The following YEATS2 variants were observed in gnomAD, a reference collection of about 807,000 sequenced individuals.
YEATS2 encodes the protein YEATS domain containing 2.
Under a neutral mutation model 163.2 loss-of-function variants are expected in YEATS2, and 77 were observed. The observed-to-expected ratio is 0.47, with a 90% CI of 0.39 to 0.57. The LOEUF (loss-of-function observed/expected upper bound fraction) is 0.57, where lower values mean the gene tolerates loss of function less well. Among genes scored for constraint, YEATS2 ranks in the 20% least tolerant of loss-of-function variants. The pLI, the probability that YEATS2 is intolerant of heterozygous loss-of-function variation, is 0.00. For missense variants in YEATS2, 1,549 were observed against 1,729.8 expected (o/e 0.90, Z 1.85); for synonymous variants, 631 against 645.1 (o/e 0.98, Z 0.33).
intron 11 of YEATS2, 22 bp downstream of exon 11, chr3:183,754,387 A>T (rs536742776): frequency 1.0e-5 from 16 of 1,605,868 alleles, no homozygotes; most frequent in Non-Finnish European, 1.4e-5. Context: ...TTTTGAAGAC[A>T]GTGTATGTGG....
chr3:183,774,999 G>T (rs1365664671), intron 17 of YEATS2, among the ~76,000 whole-genome samples: 1 of 152,234 alleles, frequency 6.6e-6, no homozygotes, highest in South Asian at 2.1e-4. Context: ...TGGAATGAAG[G>T]TGGAGAAGGA....
chr3:183,756,492 G>A, intron 11 of YEATS2, 36 bp from the exon 12 acceptor site: 2 of 1,512,378 alleles, frequency 1.3e-6, no homozygotes, highest in Non-Finnish European at 1.8e-6. Flanking sequence ...TTGAATATGT[G>A]TATTTTGTTT....
intron 7 of YEATS2, among the ~76,000 whole-genome samples, chr3:183,730,049 T>TTTGTTTG (rs1560244231): frequency 1.5e-5 from 1 of 66,556 alleles, no homozygotes; most frequent in Non-Finnish European, 2.8e-5. Context: ...TGGTTTTTTG[T>TTTGTTTG]TTGTTTTTTT....
At chr3:183,715,896 G>T (rs1715801811) in intron 2 of YEATS2, among the ~76,000 whole-genome samples, 1 of 151,972 alleles carries the variant, frequency 6.6e-6, no homozygotes, top group African/African-American at 2.4e-5. Flanking sequence ...TCATCAACTG[G>T]GTGTCTGTTG....
intron 6 of YEATS2, among the ~76,000 whole-genome samples, 185 bp from the exon 7 acceptor site, chr3:183,728,505 T>C (rs1474954272): frequency 1.3e-5 from 2 of 152,322 alleles, no homozygotes; most frequent in South Asian, 2.1e-4. Context: ...GCCCCAGCTA[T>C]GTTTTAGAAA....
intron 19 of YEATS2, among the ~76,000 whole-genome samples, chr3:183,779,167 C>T (rs765461377): frequency 1.5e-4 from 23 of 151,868 alleles, no homozygotes; most frequent in African/African-American, 5.1e-4. Context: ...CCTCGGCCTC[C>T]GAAAGTTCTG....
intron 1 of YEATS2, among the ~76,000 whole-genome samples, chr3:183,711,713 A>G (rs2109005254): frequency 6.6e-6 from 1 of 152,286 alleles, no homozygotes; most frequent in South Asian, 2.1e-4. Context: ...TTCCATATGT[A>G]ACATTACATA....
At chr3:183,764,831 G>A (rs1183648436) in intron 15 of YEATS2, among the ~76,000 whole-genome samples, 3 of 152,010 alleles carry the variant, frequency 2.0e-5, no homozygotes, top group South Asian at 2.1e-4. Context: ...AAAATTCGTG[G>A]TGTTATCGGT....
At chr3:183,729,440 A>T (rs1253407169) in intron 7 of YEATS2, among the ~76,000 whole-genome samples, 1 of 152,148 alleles carries the variant, frequency 6.6e-6, no homozygotes, top group Non-Finnish European at 1.5e-5. Context: ...TGAAAATGTT[A>T]CTTCTTTTTA....
chr3:183,767,337 T>C (rs1722005099), intron 15 of YEATS2, among the ~76,000 whole-genome samples: 1 of 152,048 alleles, frequency 6.6e-6, no homozygotes, highest in Admixed American at 6.6e-5. Context: ...GCTATACTCC[T>C]ACTTCAGCCT....
intron 22 of YEATS2, among the ~76,000 whole-genome samples, chr3:183,798,498 C>T (rs1406119206): frequency 2.0e-5 from 3 of 152,040 alleles, no homozygotes; most frequent in Admixed American, 6.6e-5. Flanking sequence ...GGACTACAGG[C>T]GCGTGCCACC....
Position 183,776,163 on chromosome 3 carries a change from A to G in YEATS2, c.2577+40A>G, listed in dbSNP as rs1456956901. 3.3e-6 allele frequency: 5 copies of G among 1,510,266 alleles called. No individual in the cohort carries two copies. In the African/African-American group the frequency reaches 4.2e-5, roughly 13 times the overall value. 93.6% of individuals were successfully genotyped at this position (1,510,266 alleles called of 1,614,324 possible). A position where few individuals can be genotyped will look rare whatever the true frequency, so the allele number is the denominator to read the frequency against. ...AACTGATATTTTAAATCATTTAGCT[A>G]TTGGATAACTATGCTTAATTATAAT... On this transcript the variant is annotated intron_variant, in intron 18 of 30. Transcript: ENST00000305135.
rs954886812 is a variant in YEATS2 at position 183,808,055 on chromosome 3, C to T, written c.4037C>T (p.Ala1346Val). Residue 1346 changes from alanine (A) to valine (V), a missense_variant, in exon 29 of 31, where the codon GCA becomes GTA. Coordinates refer to ENST00000305135, the MANE Select transcript of YEATS2 (RefSeq NM_018023.5). ...ATTGGGATCACCCTGCAGCCCGTGG[C>T]ACTCCACAGGAACGTGTATGCGTCC... ...QKIGITLQPVALHRNVYASVV... is the reference protein window; with the variant it reads ...QKIGITLQPVVLHRNVYASVV... 20 of 1,563,630 alleles carry T rather than the reference C, an allele frequency of 1.3e-5. No individual in the cohort carries two copies. The highest frequency in any genetic ancestry group is 1.7e-5 in the Non-Finnish European group (20 of 1,153,380).
At chr3:183,705,965 G>T (rs1577026512) in intron 1 of YEATS2, among the ~76,000 whole-genome samples, 1 of 152,004 alleles carries the variant, frequency 6.6e-6, no homozygotes, top group East Asian at 1.9e-4. Flanking sequence ...GCCTGACCCG[G>T]GAGGCGGAGC....
chr3:183,700,770 CAAAAA>C (rs774835127), intron 1 of YEATS2, among the ~76,000 whole-genome samples: 19 of 37,754 alleles, frequency 5.0e-4, no homozygotes, highest in Admixed American at 3.7e-4. Context: ...GACTTCGTCT[CAAAAA>C]AAAAAAAAAA....
chr3:183,798,573 C>T (rs1393531698), intron 22 of YEATS2, among the ~76,000 whole-genome samples: 1 of 152,088 alleles, frequency 6.6e-6, no homozygotes, highest in Non-Finnish European at 1.5e-5. Context: ...AGGCTGGTCT[C>T]GAACTCCTGA....
At chr3:183,726,221 C>T (rs536513394) in intron 6 of YEATS2, among the ~76,000 whole-genome samples, 29 of 152,256 alleles carry the variant, frequency 1.9e-4, no homozygotes, top group Admixed American at 6.5e-4. Flanking sequence ...AGCTCTTACA[C>T]AAATATATTT....
chr3:183,802,447 C>G (rs924948606), intron 25 of YEATS2: 1 of 148,072 alleles, frequency 6.8e-6, no homozygotes, highest in African/African-American at 2.5e-5. Context: ...AGTTTCCCAG[C>G]CTAACATAAG....
chr3:183,807,779 G>A (rs1052969724), intron 28 of YEATS2: 6 of 402,590 alleles, frequency 1.5e-5, no homozygotes, highest in South Asian at 1.2e-4. Context: ...GTTCTCCCAC[G>A]AAGGAGATTT....
Sources: gnomAD v4.1 joint callset for allele counts (sites outside exome capture counted in the v4.1 genomes callset) on GRCh38, gnomAD v4.1.1 for gene constraint, MANE v1.5 for transcripts, NCBI Gene and HGNC (gene_info 2026-07-23, HGNC 2026-07-21) for gene names.